RAI1: variants seen among roughly 807,000 people sequenced by gnomAD.
RAI1 encodes the protein retinoic acid-induced protein 1.
A neutral mutation model predicts 123.8 loss-of-function variants in RAI1; 9 were observed. The ratio of observed to expected loss-of-function variants is 0.07; its 90% CI spans 0.04 to 0.13. RAI1 has a LOEUF of 0.13. Ranked by LOEUF, RAI1 falls within the 10% of genes least tolerant of loss-of-function variation. The pLI is 1.00. For missense variants in RAI1, 2,256 were observed against 2,545.8 expected, an observed-to-expected ratio of 0.89 and a Z score of 2.45; for synonymous variants, 1,231 against 1,127.3, an observed-to-expected ratio of 1.09 and a Z score of -1.84.
intron 2 of RAI1, among the ~76,000 whole-genome samples, chr17:17,768,729 C>T (rs1008571598): frequency 6.6e-6 from 1 of 152,230 alleles, no homozygotes; most frequent in East Asian, 1.9e-4. Context: ...AGGTTGGAAT[C>T]GATTGAAACC....
chr17:17,731,172 C>T (rs1189955778), intron 2 of RAI1, among the ~76,000 whole-genome samples: 1 of 152,240 alleles, frequency 6.6e-6, no homozygotes, highest in East Asian at 1.9e-4. Flanking sequence ...TGAACCGGGT[C>T]AGCCTGACCC....
At chr17:17,707,679 A>G (rs1915435242) in intron 1 of RAI1, among the ~76,000 whole-genome samples, 1 of 151,792 alleles carries the variant, frequency 6.6e-6, no homozygotes, top group Admixed American at 6.6e-5. Context: ...TGCAACCTCC[A>G]CCTCCCAGGC....
At chr17:17,718,487 G>A (rs1915779116) in intron 1 of RAI1, among the ~76,000 whole-genome samples, 1 of 152,202 alleles carries the variant, frequency 6.6e-6, no homozygotes, top group Non-Finnish European at 1.5e-5. Flanking sequence ...GGGGAGAAAA[G>A]GGAACAGGGC....
In RAI1 at chr17:17,794,196, C is replaced by A. The variant is rs754776044; in HGVS notation, c.1248C>A (p.Pro416=). ...ACACCCAGGCTGGCAACTGCAAGCC[C>A]CTTCAGAAGGACAAGCTCCCTGAGA... ...SVDTQAGNCK[P]LQKDKLPENL... Residue 416 remains proline (P), a synonymous_variant, in exon 3 of 6, where the codon CCC becomes CCA. Transcript: ENST00000353383. 5 of 1,613,694 alleles carry A rather than the reference C, an allele frequency of 3.1e-6. No individual in the cohort carries two copies. The highest frequency in any genetic ancestry group is 3.4e-6 in the Non-Finnish European group (4 of 1,180,038).
rs1421058449 is a variant in RAI1, at chr17:17,714,843, G to A, written c.-148-9185G>A. On this transcript the variant is annotated intron_variant, in intron 1 of 5. Transcript: ENST00000353383. The surrounding 1 kb of genome is among the most constrained non-coding windows in gnomAD (Gnocchi z 4.9). Reference sequence around the variant, plus strand: ...GCAGGTCTGCTCTCCAAGCTGCCTCGTTGCAGGTGCTGACTTTGGGAGGAT... The same window carrying A: ...GCAGGTCTGCTCTCCAAGCTGCCTCATTGCAGGTGCTGACTTTGGGAGGAT... 9.2e-5 allele frequency among the ~76,000 whole-genome samples: 14 copies of A among 152,216 alleles called. No individual in the cohort carries two copies. The highest frequency in any genetic ancestry group is 1.6e-4 in the Non-Finnish European group (11 of 68,040).
chr17:17,692,000 C>G (rs1008460251), intron 1 of RAI1, among the ~76,000 whole-genome samples: 9 of 152,214 alleles, frequency 5.9e-5, no homozygotes, highest in South Asian at 2.1e-4. Context: ...TTGAGACAAG[C>G]ACAGAAAATC....
intron 2 of RAI1, among the ~76,000 whole-genome samples, chr17:17,755,492 G>T (rs1294357259): frequency 6.6e-6 from 1 of 152,204 alleles, no homozygotes; most frequent in African/African-American, 2.4e-5. Context: ...TGACTGAAGG[G>T]CAGGGGGCCT....
At position 17,810,019 on chromosome 17, in the gene RAI1, G is replaced by T. The variant is rs779287545; in HGVS notation, c.*38G>T. ...ACGGCCGGAGGAGCCGCCGGAGCCC[G>T]CCTGCCCGCCCGCCGCCGAAGGAGA... On this transcript the variant is annotated 3_prime_UTR_variant, in exon 6 of 6. Coordinates refer to ENST00000353383, the MANE Select transcript of RAI1 (RefSeq NM_030665.4). The surrounding 1 kb of genome is among the most constrained non-coding windows in gnomAD (Gnocchi z 4.6). The T allele has an allele frequency of 6.5e-7, 1 of 1,542,886 alleles. No individual in the cohort carries two copies. Among genetic ancestry groups the T allele is most frequent in the Non-Finnish European group, 8.7e-7 (1 of 1,144,522 alleles).
At chr17:17,757,391 AG>A (rs2030480555) in intron 2 of RAI1, among the ~76,000 whole-genome samples, 2 of 152,170 alleles carry the variant, frequency 1.3e-5, no homozygotes, top group Admixed American at 1.3e-4. Flanking sequence ...GAGCACAGAG[AG>A]GGCAGCAACC....
rs369685197 is a variant in RAI1 at position 17,802,024 on chromosome 17, C to G, written c.5566-1732C>G. 35 of 469,308 alleles carry G rather than the reference C, an allele frequency of 7.5e-5. No homozygotes were observed. In the Middle Eastern group the frequency reaches 1.5e-3, roughly 20 times the overall value. The allele number at this position is 469,308 out of a possible 1,614,324, so 29.1% of individuals were successfully genotyped here. ...GCCCTCTCTGCTGCCTTCTCTACCT[C>G]ACCCCCCGCCCCCAGCACGGTGGCA... On this transcript the variant is annotated intron_variant, in intron 3 of 5. Coordinates refer to ENST00000353383, the MANE Select transcript of RAI1 (RefSeq NM_030665.4).
chr17:17,792,336 CGT>C (rs887795631), intron 2 of RAI1, among the ~76,000 whole-genome samples: 309 of 151,756 alleles, frequency 2.0e-3, no homozygotes, highest in Middle Eastern at 0.01. Flanking sequence ...TGTGTGCGCG[CGT>C]GTGTGTGTGA....
chr17:17,781,713 G>A (rs1279857172), intron 2 of RAI1, among the ~76,000 whole-genome samples: 1 of 152,258 alleles, frequency 6.6e-6, no homozygotes, highest in East Asian at 1.9e-4. Flanking sequence ...CGCGGTCGCA[G>A]GCACGGGTGG....
intron 2 of RAI1, among the ~76,000 whole-genome samples, chr17:17,774,406 CAG>C (rs1280865812): frequency 1.3e-5 from 2 of 152,272 alleles, no homozygotes; most frequent in South Asian, 2.1e-4. Context: ...GGCCGGAACA[CAG>C]GGGCCTTTCT....
rs767954788 is a variant in RAI1 at position 17,797,523 on chromosome 17, G to T, written c.4575G>T (p.Gln1525His). Residue 1525 changes from glutamine to histidine, a missense_variant, in exon 3 of 6, where the codon CAG becomes CAT. Physicochemically the swap from Gln to His is conservative, Grantham distance 24 (BLOSUM62 0). Transcript: ENST00000353383. ...AGCCCCAGACAAGGGCACAGAAACA[G>T]CCAGGCCACACCAACTACAGCAGCT... ...PCQPQTRAQK[Q>H]PGHTNYSSYS... 2 of 1,613,874 alleles carry T rather than the reference G, an allele frequency of 1.2e-6. No homozygotes were observed. The highest frequency in any genetic ancestry group is 4.5e-5 in the East Asian group (2 of 44,870).
chr17:17,807,258 C>CG (rs1432018630), intron 4 of RAI1, among the ~76,000 whole-genome samples: 8 of 4,424 alleles, frequency 1.8e-3, no homozygotes, highest in South Asian at 6.6e-3. Flanking sequence ...GTGGGGGGGG[C>CG]GGGGGGGTGG....
chr17:17,803,006 C>G (rs527871498), intron 3 of RAI1, among the ~76,000 whole-genome samples: 1 of 150,034 alleles, frequency 6.7e-6, no homozygotes, highest in South Asian at 2.1e-4. Flanking sequence ...ATCACTTGAA[C>G]ACAGGAGGCA....
In RAI1 at chr17:17,798,384, G is replaced by T. The variant is rs776159545; in HGVS notation, c.5436G>T (p.Pro1812=). The part of the protein sequence containing the change: ...GRKHECSKEA[P]AEPGGEAQEH... The stretch of plus-strand genomic sequence containing the variant: ...AACATGAGTGCAGCAAGGAGGCTCC[G>T]GCAGAGCCCGGCGGGGAGGCCCAGG... Residue 1812 remains proline (P), a synonymous_variant, in exon 3 of 6, where the codon CCG becomes CCT. Coordinates refer to ENST00000353383, the MANE Select transcript of RAI1 (RefSeq NM_030665.4). 1.2e-6 allele frequency: 2 copies of T among 1,609,672 alleles called. No homozygotes were observed. Among genetic ancestry groups the T allele is most frequent in the Non-Finnish European group, 1.7e-6 (2 of 1,178,506 alleles).
At chr17:17,734,219 C>T (rs1038686714) in intron 2 of RAI1, among the ~76,000 whole-genome samples, 2 of 152,116 alleles carry the variant, frequency 1.3e-5, no homozygotes, top group African/African-American at 4.8e-5. Flanking sequence ...GCTGTTCACG[C>T]CTGCCTTTAG....
chr17:17,688,025 C>A (rs1434105150), intron 1 of RAI1, among the ~76,000 whole-genome samples: 316 of 89,886 alleles, frequency 3.5e-3, no homozygotes, highest in East Asian at 6.1e-3. Flanking sequence ...GACTCTGTCT[C>A]AAAAAAAAAA....
Sources: allele counts gnomAD v4.1 joint callset (sites outside exome capture counted in the v4.1 genomes callset), GRCh38; gene constraint gnomAD v4.1.1; non-coding constraint Gnocchi (gnomAD v3.1); transcripts MANE v1.5; gene names NCBI Gene and HGNC (gene_info 2026-07-23, HGNC 2026-07-21).